Variants in NRXN3 observed in about 807,000 individuals in gnomAD.
The protein encoded by NRXN3 is neurexin 3.
Under a neutral mutation model 137.6 loss-of-function variants are expected in NRXN3, and 32 were observed. The ratio of observed to expected loss-of-function variants is 0.23; its 90% CI spans 0.18 to 0.31. The LOEUF is 0.31. Ranked by LOEUF, NRXN3 falls within the 10% of genes least tolerant of loss-of-function variation. NRXN3 has a pLI of 1.00. For missense variants in NRXN3, 1,574 were observed against 2,062.5 expected (o/e 0.76, Z 4.59); for synonymous variants, 798 against 784.5 (o/e 1.02, Z -0.29).
At chr14:78,759,799 G>T (rs2098685686) in intron 8 of NRXN3, among the ~76,000 whole-genome samples, 1 of 152,216 alleles carries the variant, frequency 6.6e-6, no homozygotes, top group Non-Finnish European at 1.5e-5. Flanking sequence ...GAAGAAAGGT[G>T]TAGGGCCTGG....
At chr14:78,728,619 G>A (rs2098498775) in intron 8 of NRXN3, among the ~76,000 whole-genome samples, 1 of 152,104 alleles carries the variant, frequency 6.6e-6, no homozygotes, top group South Asian at 2.1e-4. Context: ...GCGGTGGGGA[G>A]GTGCACAGTG....
chr14:78,492,138 TACATTATGGGTCTATC>T (rs1209812436), intron 4 of NRXN3, among the ~76,000 whole-genome samples: 1 of 152,136 alleles, frequency 6.6e-6, no homozygotes, highest in Non-Finnish European at 1.5e-5. Context: ...AGATATGACA[TACATTATGGGTCTATC>T]ACATGATAAA....
intron 10 of NRXN3, among the ~76,000 whole-genome samples, chr14:78,870,145 T>C (rs541725535): frequency 6.6e-6 from 1 of 152,312 alleles, no homozygotes; most frequent in East Asian, 1.9e-4. Context: ...TAAACTGACT[T>C]AGCACACTTC....
At chr14:79,714,890 C>T (rs2098818232) in intron 19 of NRXN3, among the ~76,000 whole-genome samples, 2 of 152,136 alleles carry the variant, frequency 1.3e-5, no homozygotes, top group African/African-American at 4.8e-5. Flanking sequence ...CTATGAAAGG[C>T]GATTGTGTTA....
chr14:78,725,937 T>A (rs188411296), intron 8 of NRXN3, among the ~76,000 whole-genome samples: 3 of 152,310 alleles, frequency 2.0e-5, no homozygotes, highest in Admixed American at 2.0e-4. Flanking sequence ...TTAATTTATA[T>A]CTGAGGAATT....
intron 16 of NRXN3, among the ~76,000 whole-genome samples, chr14:79,477,385 G>A (rs545783894): frequency 6.6e-6 from 1 of 152,170 alleles, no homozygotes; most frequent in South Asian, 2.1e-4. Flanking sequence ...CTGTAGCCTC[G>A]GATGAATTAT....
At chr14:79,034,965 T>G (rs890721278) in intron 15 of NRXN3, among the ~76,000 whole-genome samples, 2 of 152,122 alleles carry the variant, frequency 1.3e-5, no homozygotes, top group Non-Finnish European at 2.9e-5. Flanking sequence ...AACTTTTTAC[T>G]GATGCCATGT....
intron 15 of NRXN3, among the ~76,000 whole-genome samples, chr14:79,392,149 CA>C (rs747248852): frequency 1.3e-5 from 2 of 152,164 alleles, no homozygotes; most frequent in Non-Finnish European, 2.9e-5. Context: ...CCCTAACCCC[CA>C]CACTCCCCAA....
intron 16 of NRXN3, among the ~76,000 whole-genome samples, chr14:79,627,858 T>G (rs1414281782): frequency 2.6e-5 from 4 of 152,168 alleles, no homozygotes; most frequent in African/African-American, 9.7e-5. Flanking sequence ...TGTCTTACTT[T>G]TTTTATAGTA....
intron 10 of NRXN3, among the ~76,000 whole-genome samples, chr14:78,861,247 C>T (rs535592277): frequency 6.6e-6 from 1 of 152,160 alleles, no homozygotes; most frequent in East Asian, 1.9e-4. Flanking sequence ...CAATTATAGG[C>T]TTTGTTATTC....
At position 79,169,779 on chromosome 14, in the gene NRXN3, T is replaced by A. The variant is rs146323729; in HGVS notation, c.3262+181638T>A. Among the ~76,000 whole-genome samples the A allele has an allele frequency of 6.0e-3, 913 of 152,220 alleles. 9 individuals are homozygous for A. Among genetic ancestry groups the A allele is most frequent in the African/African-American group, 0.021 (862 of 41,536 alleles). On this transcript the variant is annotated intron_variant, in intron 15 of 20. Coordinates refer to ENST00000335750, the MANE Select transcript of NRXN3 (RefSeq NM_001330195.2). ...AACAATTATATTTTCCATGGAATGC[T>A]GAAGTCCCACAAGGAATTCTGAGGC...
At chr14:78,504,140 T>C (rs1018446866) in intron 4 of NRXN3, among the ~76,000 whole-genome samples, 1 of 152,186 alleles carries the variant, frequency 6.6e-6, no homozygotes, top group Admixed American at 6.5e-5. Flanking sequence ...TTGTACACTT[T>C]GGTACTCCTG....
chr14:79,174,228 A>G (rs2062071511), intron 15 of NRXN3, among the ~76,000 whole-genome samples: 1 of 152,166 alleles, frequency 6.6e-6, no homozygotes. Context: ...GAGGAAAACA[A>G]CCCAATAGAA....
At chr14:78,967,834 A>G (rs1215912729) in intron 13 of NRXN3, among the ~76,000 whole-genome samples, 1 of 152,164 alleles carries the variant, frequency 6.6e-6, no homozygotes, top group Non-Finnish European at 1.5e-5. Flanking sequence ...AGAAGTTTTG[A>G]TGGCATGTCT....
At chr14:78,288,439 T>C (rs1397476174) in intron 3 of NRXN3, among the ~76,000 whole-genome samples, 1 of 152,240 alleles carries the variant, frequency 6.6e-6, no homozygotes, top group Non-Finnish European at 1.5e-5. Flanking sequence ...CCCATTTCTC[T>C]CCCTTTCCTG....
intron 15 of NRXN3, among the ~76,000 whole-genome samples, chr14:79,164,741 C>T (rs2061129732): frequency 6.6e-6 from 1 of 151,926 alleles, no homozygotes; most frequent in African/African-American, 2.4e-5. Flanking sequence ...GAGAAATTAA[C>T]AGGTCATTGC....
At chr14:79,812,924 A>C (rs551560476) in intron 20 of NRXN3, among the ~76,000 whole-genome samples, 18 of 152,086 alleles carry the variant, frequency 1.2e-4, no homozygotes, top group Admixed American at 5.2e-4. Flanking sequence ...TTTAAAAGAG[A>C]AGTTTTTATG....
At chr14:79,375,230 T>C (rs1183136023) in intron 15 of NRXN3, among the ~76,000 whole-genome samples, 1 of 122,280 alleles carries the variant, frequency 8.2e-6, no homozygotes, top group Non-Finnish European at 1.7e-5. Context: ...CTTTTGAGTT[T>C]TTGTGTTTTT....
chr14:79,084,275 C>T (rs771879830), intron 15 of NRXN3, among the ~76,000 whole-genome samples: 4 of 152,048 alleles, frequency 2.6e-5, no homozygotes, highest in Non-Finnish European at 4.4e-5. Context: ...GTGATGGTTA[C>T]ATAAATCTAT....
Sources: gnomAD v4.1 joint callset for allele counts (sites outside exome capture counted in the v4.1 genomes callset) on GRCh38, gnomAD v4.1.1 for gene constraint, MANE v1.5 for transcripts, NCBI Gene and HGNC (gene_info 2026-07-23, HGNC 2026-07-21) for gene names.